STAU1: variants seen among roughly 807,000 people sequenced by gnomAD.
STAU1 encodes the protein double-stranded RNA-binding protein Staufen homolog 1.
STAU1 carries 13 observed loss-of-function variants against 62.9 expected under a neutral mutation model. That is an observed-to-expected ratio of 0.21 (90% CI 0.13 to 0.33). The LOEUF (loss-of-function observed/expected upper bound fraction) is 0.33. Among genes scored for constraint, STAU1 ranks in the 10% least tolerant of loss-of-function variants. STAU1 has a pLI of 1.00. For missense variants in STAU1, 571 were observed against 712.1 expected (o/e 0.80, Z 2.25); for synonymous variants, 269 against 265.1 (o/e 1.01, Z -0.14).
At chr20:49,168,212 C>A (rs2093552184) in intron 2 of STAU1, among the ~76,000 whole-genome samples, 1 of 151,754 alleles carries the variant, frequency 6.6e-6, no homozygotes. Context: ...TCCCAAGTAG[C>A]TAGGATTACA....
At chr20:49,153,310 T>G in intron 4 of STAU1, among the ~76,000 whole-genome samples, 1 of 143,130 alleles carries the variant, frequency 7.0e-6, no homozygotes, top group Non-Finnish European at 1.5e-5. Flanking sequence ...ACTTTAATCC[T>G]AGCACTGCGG....
the STAU1 span, among the ~76,000 whole-genome samples, chr20:49,200,825 A>C: frequency 1.3e-5 from 2 of 151,866 alleles, no homozygotes; most frequent in East Asian, 3.9e-4. Context: ...ACCTGAGCCC[A>C]GGAGTTTGAG....
Position 49,113,379 on chromosome 20 carries a change from G to T in STAU1, c.*1499C>A, listed in dbSNP as rs1170477056. 2 of 152,544 alleles carry T rather than the reference G, an allele frequency of 1.3e-5. No homozygotes were observed. The highest frequency in any genetic ancestry group is 4.8e-5 in the African/African-American group (2 of 41,410). 9.4% of individuals were successfully genotyped at this position (152,544 alleles called of 1,614,324 possible). A position where few individuals can be genotyped will look rare whatever the true frequency, so the allele number is the denominator to read the frequency against. On this transcript the variant is annotated 3_prime_UTR_variant, in exon 14 of 14. Transcript: ENST00000371856. The stretch of plus-strand genomic sequence containing the variant: ...TTATTGATCAATGGTTTGATATAAA[G>T]TTATTTCAGATCTTCAGACTTTTGC...
chr20:49,182,092 C>A (rs961377853), intron 1 of STAU1, among the ~76,000 whole-genome samples: 2 of 152,148 alleles, frequency 1.3e-5, no homozygotes, highest in Non-Finnish European at 2.9e-5. Context: ...ATAGATTTTT[C>A]CACTTTTGCT....
chr20:49,125,534 GAA>G lies in STAU1; in HGVS notation c.610-949_610-948del, dbSNP rs527934630. On this transcript the variant is annotated intron_variant, in intron 6 of 13. Coordinates refer to ENST00000371856, the MANE Select transcript of STAU1 (RefSeq NM_017453.4). ...GATAGAGTAAGACCCTGTCTCAAAG[GAA>G]AAAAAAAAAAAAAAAAAAGCAAGCA... Among the ~76,000 whole-genome samples, 525 of 76,390 alleles carry G rather than the reference GAA, an allele frequency of 6.9e-3. 4 individuals are homozygous for G. The highest frequency in any genetic ancestry group is 0.023 in the African/African-American group (481 of 20,880). The allele number at this position is 76,390 out of a possible 152,430, so 50.1% of individuals were successfully genotyped here.
chr20:49,132,256 A>G (rs1168154483), intron 6 of STAU1, among the ~76,000 whole-genome samples: 1 of 152,164 alleles, frequency 6.6e-6, no homozygotes, highest in African/African-American at 2.4e-5. Flanking sequence ...TTGGAGGGAC[A>G]GGTCAGCCAC....
chr20:49,114,788 G>C lies in STAU1; in HGVS notation c.*90C>G. The C allele has an allele frequency of 8.0e-7, 1 of 1,242,400 alleles. No individual in the cohort carries two copies. Among genetic ancestry groups the C allele is most frequent in the Non-Finnish European group, 1.2e-6 (1 of 851,290 alleles). The allele number at this position is 1,242,400 out of a possible 1,614,324, so 77.0% of individuals were successfully genotyped here. A position where few individuals can be genotyped will look rare whatever the true frequency, so the allele number is the denominator to read the frequency against. ...ACCCACCGTGTCTCTCGGCCCACTG[G>C]AGGTATCAGAAATTCCAAATTTTCA... On this transcript the variant is annotated 3_prime_UTR_variant, in exon 14 of 14. Coordinates refer to ENST00000371856, the MANE Select transcript of STAU1 (RefSeq NM_017453.4).
At chr20:49,127,403 C>T (rs1198283399) in intron 6 of STAU1, among the ~76,000 whole-genome samples, 1 of 151,810 alleles carries the variant, frequency 6.6e-6, no homozygotes. Context: ...CATCAAAAGA[C>T]ATTTAAAAAG....
In STAU1 at chr20:49,140,286, T is replaced by C. The variant is rs368101438; in HGVS notation, c.511-4355A>G. Among the ~76,000 whole-genome samples the C allele has an allele frequency of 4.1e-4, 63 of 152,278 alleles. 1 individual carries two copies. The South Asian group carries it at 0.013, about 31-fold the overall frequency. ...AAAAATTAAACATATAATTATTATATGATCCAGGAATTCCACTTCTAGATA... is the reference window on the plus strand; with the variant it reads ...AAAAATTAAACATATAATTATTATACGATCCAGGAATTCCACTTCTAGATA... On this transcript the variant is annotated intron_variant, in intron 5 of 13. Coordinates refer to ENST00000371856, the MANE Select transcript of STAU1 (RefSeq NM_017453.4).
At chr20:49,208,563 G>A in the STAU1 span, among the ~76,000 whole-genome samples, 1 of 151,860 alleles carries the variant, frequency 6.6e-6, no homozygotes, top group Non-Finnish European at 1.5e-5. Context: ...GACCAAGGCA[G>A]GAGGATTGCT....
At chr20:49,136,637 C>A (rs937054922) in intron 5 of STAU1, among the ~76,000 whole-genome samples, 10 of 152,088 alleles carry the variant, frequency 6.6e-5, no homozygotes, top group Non-Finnish European at 1.3e-4. Context: ...TGGGACGTGG[C>A]AAATTCAGAT....
the STAU1 span, among the ~76,000 whole-genome samples, chr20:49,215,313 C>T: frequency 2.0e-5 from 3 of 152,150 alleles, no homozygotes; most frequent in African/African-American, 2.4e-5. Flanking sequence ...CTTGTTGACC[C>T]GCCTTTTATT....
chr20:49,147,040 T>G (rs776258911), intron 5 of STAU1, among the ~76,000 whole-genome samples: 9 of 152,292 alleles, frequency 5.9e-5, no homozygotes, highest in Non-Finnish European at 1.3e-4. Context: ...TTTCTTAACT[T>G]GGGGCCTTTG....
Position 49,166,130 on chromosome 20 carries a change from G to T in STAU1, c.72C>A (p.Asn24Lys). Residue 24 changes from asparagine to lysine, a missense_variant, in exon 3 of 14, where the codon AAC becomes AAA. By Grantham distance (94) the Asn-to-Lys change is moderately conservative. Around this residue, in one of 3 missense-constraint regions of STAU1, gnomAD observed 414 missense variants for 499.6 expected, o/e 0.83. Coordinates refer to ENST00000371856, the MANE Select transcript of STAU1 (RefSeq NM_017453.4). ...TCAAAGGCTGTGAGAGAAGAGACTGGTTCTTGTTCAGTATTTGGCTCCCTG... is the reference window on the plus strand; with the variant it reads ...TCAAAGGCTGTGAGAGAAGAGACTGTTTCTTGTTCAGTATTTGGCTCCCTG... ...ALSGSQILNK[N>K]QSLLSQPLMS... The T allele has an allele frequency of 6.2e-7, 1 of 1,614,156 alleles. No individual in the cohort carries two copies. The highest frequency in any genetic ancestry group is 1.3e-5 in the African/African-American group (1 of 75,054).
chr20:49,126,336 A>G, intron 6 of STAU1, among the ~76,000 whole-genome samples: 1 of 151,624 alleles, frequency 6.6e-6, no homozygotes, highest in Non-Finnish European at 1.5e-5. Context: ...CCAGGGTGGG[A>G]GGATCACTTG....
chr20:49,199,487 C>T, the STAU1 span, among the ~76,000 whole-genome samples: 1 of 151,396 alleles, frequency 6.6e-6, no homozygotes, highest in South Asian at 2.1e-4. Flanking sequence ...CCTCGGCCTC[C>T]CAAAGTGCTG....
intron 5 of STAU1, among the ~76,000 whole-genome samples, chr20:49,147,376 C>T (rs1032370081): frequency 2.0e-5 from 3 of 152,230 alleles, no homozygotes; most frequent in African/African-American, 7.2e-5. Context: ...AGACAGCAAG[C>T]GCTGGCTTTA....
intron 3 of STAU1, among the ~76,000 whole-genome samples, chr20:49,159,603 C>T (rs1568902569): frequency 6.6e-6 from 1 of 152,168 alleles, no homozygotes; most frequent in African/African-American, 2.4e-5. Flanking sequence ...CTCTGTCACC[C>T]AGGCTGGAAT....
the STAU1 span, among the ~76,000 whole-genome samples, chr20:49,208,348 G>A: frequency 4.0e-5 from 6 of 151,796 alleles, no homozygotes; most frequent in Non-Finnish European, 7.4e-5. Flanking sequence ...GTGAGCCACC[G>A]CACGTGGCCT....
Sources: allele counts gnomAD v4.1 joint callset (sites outside exome capture counted in the v4.1 genomes callset), GRCh38; gene constraint gnomAD v4.1.1; regional missense constraint gnomAD v4.1.1; transcripts MANE v1.5; gene names NCBI Gene and HGNC (gene_info 2026-07-23, HGNC 2026-07-21).